UBE2D2: variants seen among roughly 807,000 people sequenced by gnomAD.
The protein encoded by UBE2D2 is ubiquitin conjugating enzyme E2 D2.
A neutral mutation model predicts 24.2 loss-of-function variants in UBE2D2; 2 were observed. That is an observed-to-expected ratio of 0.08 (90% CI 0.03 to 0.26). The LOEUF is 0.26. UBE2D2 is among the 10% of genes least tolerant of loss of function. The pLI, the probability that UBE2D2 is intolerant of heterozygous loss-of-function variation, is 1.00. For synonymous variants in UBE2D2, 58 were observed against 56.5 expected (o/e 1.03, Z -0.12); for missense variants, 44 against 177.6 (o/e 0.25, Z 4.28).
At chr5:139,604,231 C>T (rs1028233015) in intron 2 of UBE2D2, among the ~76,000 whole-genome samples, 9 of 150,722 alleles carry the variant, frequency 6.0e-5, no homozygotes, top group African/African-American at 2.2e-4. Flanking sequence ...ACCTTCGCCT[C>T]GTGGGTTCAA....
chr5:139,574,626 A>G (rs1753428558), intron 1 of UBE2D2, among the ~76,000 whole-genome samples: 1 of 150,832 alleles, frequency 6.6e-6, no homozygotes, highest in South Asian at 2.1e-4. Context: ...TTTAGACTGA[A>G]CTCTCCTGGG....
intron 1 of UBE2D2, among the ~76,000 whole-genome samples, chr5:139,570,849 G>A (rs993776637): frequency 6.6e-6 from 1 of 151,414 alleles, no homozygotes; most frequent in Non-Finnish European, 1.5e-5. Flanking sequence ...CACCACCCCC[G>A]GCTTTCTGCA....
At chr5:139,593,716 ATCC>A (rs1753902199) in intron 1 of UBE2D2, among the ~76,000 whole-genome samples, 2 of 152,016 alleles carry the variant, frequency 1.3e-5, no homozygotes, top group African/African-American at 4.8e-5. Context: ...GGCTCAAGCA[ATCC>A]TCCTACCTCA....
chr5:139,572,555 C>T (rs1753372154), intron 1 of UBE2D2, among the ~76,000 whole-genome samples: 1 of 151,746 alleles, frequency 6.6e-6, no homozygotes, highest in Non-Finnish European at 1.5e-5. Flanking sequence ...GTGATCATGC[C>T]AGTGCACTCC....
chr5:139,535,459 CAAAAAACA>C (rs1752657344), intron 1 of UBE2D2, among the ~76,000 whole-genome samples: 1 of 141,054 alleles, frequency 7.1e-6, no homozygotes, highest in Non-Finnish European at 1.6e-5. Context: ...CAAAAAAAAA[CAAAAAACA>C]AAAAAACAAA....
At chr5:139,595,882 G>GTTTTTTTTTTT (rs1421028674) in intron 1 of UBE2D2, among the ~76,000 whole-genome samples, 2 of 121,768 alleles carry the variant, frequency 1.6e-5, no homozygotes, top group African/African-American at 6.3e-5. Context: ...TTTTTTTTTT[G>GTTTTTTTTTTT]TTTTTTGTTG....
upstream of UBE2D2, among the ~76,000 whole-genome samples, chr5:139,526,269 G>A (rs1050302595): frequency 1.3e-5 from 2 of 152,214 alleles, no homozygotes; most frequent in East Asian, 1.9e-4. Flanking sequence ...GTAGCTTGCC[G>A]ATGACCCCAG....
upstream of UBE2D2, among the ~76,000 whole-genome samples, chr5:139,558,806 T>C (rs1298011125): frequency 2.0e-5 from 3 of 152,106 alleles, no homozygotes; most frequent in Admixed American, 6.6e-5. Flanking sequence ...CAAATACATA[T>C]TGCTTTTTTT....
At chr5:139,545,791 T>G (rs977920874) in intron 1 of UBE2D2, among the ~76,000 whole-genome samples, 1 of 151,572 alleles carries the variant, frequency 6.6e-6, no homozygotes. Flanking sequence ...TGGTGTGATC[T>G]CTGCTCACTG....
chr5:139,564,230 C>T (rs1009487974), intron 1 of UBE2D2, among the ~76,000 whole-genome samples: 10 of 148,930 alleles, frequency 6.7e-5, no homozygotes, highest in African/African-American at 1.2e-4. Context: ...CTCAGCTCAC[C>T]GCAACCTCCA....
At chr5:139,541,341 C>T (rs1752758599) in intron 1 of UBE2D2, among the ~76,000 whole-genome samples, 2 of 149,316 alleles carry the variant, frequency 1.3e-5, no homozygotes, top group African/African-American at 4.9e-5. Context: ...GTGGCTCACG[C>T]TTATAATCCC....
intron 1 of UBE2D2, among the ~76,000 whole-genome samples, chr5:139,550,688 G>A (rs1323066794): frequency 1.3e-5 from 2 of 151,456 alleles, no homozygotes; most frequent in African/African-American, 4.9e-5. Context: ...CAATCCTGAG[G>A]CCACCGAGAC....
At chr5:139,588,339 G>C (rs1424276393) in intron 1 of UBE2D2, among the ~76,000 whole-genome samples, 1 of 150,134 alleles carries the variant, frequency 6.7e-6, no homozygotes, top group East Asian at 2.0e-4. Context: ...GCAGTGGCGC[G>C]ATCTCAGCTC....
chr5:139,527,703 T>C (rs113127051), intron 1 of UBE2D2, among the ~76,000 whole-genome samples: 107 of 152,262 alleles, frequency 7.0e-4, no homozygotes, highest in Middle Eastern at 6.8e-3. Flanking sequence ...AGTCAAAAAG[T>C]TAAAACATGT....
rs528013802 is a variant in UBE2D2 at position 139,567,363 on chromosome 5, G to T, written c.24+5548G>T. ...TCCACCTGCTTCGGCCTCCCAAAGT[G>T]CTGGGAATACAAGCATGAGACACCG... is the stretch of plus-strand genomic sequence containing the variant. On this transcript the variant is annotated intron_variant, in intron 1 of 6. Transcript: ENST00000398733. Among the ~76,000 whole-genome samples the T allele has an allele frequency of 2.0e-5, 3 of 151,914 alleles. No homozygotes were observed. In the South Asian group the frequency reaches 6.3e-4, roughly 32 times the overall value.
chr5:139,544,525 A>G (rs978010322), intron 1 of UBE2D2, among the ~76,000 whole-genome samples: 2 of 151,384 alleles, frequency 1.3e-5, no homozygotes, highest in Non-Finnish European at 2.9e-5. Flanking sequence ...TCTTGACCTC[A>G]GGTGATCTAC....
intron 1 of UBE2D2, among the ~76,000 whole-genome samples, chr5:139,532,870 G>T (rs1020764196): frequency 1.3e-5 from 2 of 151,960 alleles, no homozygotes; most frequent in African/African-American, 4.8e-5. Context: ...ACTTTGGAAG[G>T]CCAAGGCGGG....
chr5:139,563,371 AAAATG>A (rs1296199534), intron 1 of UBE2D2, among the ~76,000 whole-genome samples: 1 of 152,208 alleles, frequency 6.6e-6, no homozygotes, highest in Non-Finnish European at 1.5e-5. Context: ...ATCTTGTACT[AAAATG>A]AAATGGTATT....
intron 1 of UBE2D2, among the ~76,000 whole-genome samples, chr5:139,543,203 T>A (rs1371341930): frequency 6.6e-6 from 1 of 152,206 alleles, no homozygotes; most frequent in Non-Finnish European, 1.5e-5. Context: ...CATATGTTAC[T>A]TTTTAAATTA....
Sources: gnomAD v4.1 joint callset for allele counts (sites outside exome capture counted in the v4.1 genomes callset) on GRCh38, gnomAD v4.1.1 for gene constraint, MANE v1.5 for transcripts, NCBI Gene and HGNC (gene_info 2026-07-23, HGNC 2026-07-21) for gene names.